Variants in MSH3 observed in about 807,000 individuals in gnomAD.
MSH3 encodes the protein mutS homolog 3, also known as DNA mismatch repair protein Msh3.
In MSH3, 106 loss-of-function variants were observed where a neutral mutation model predicts 123.3. The observed-to-expected ratio is 0.86, with a 90% CI of 0.73 to 1.01. The LOEUF (loss-of-function observed/expected upper bound fraction) is 1.01, where lower values mean the gene tolerates loss of function less well. Among genes scored for constraint, MSH3 ranks in the 50% least tolerant of loss-of-function variants. MSH3 has a pLI of 0.00. For synonymous variants in MSH3, 515 were observed against 481.4 expected, an observed-to-expected ratio of 1.07 and a Z score of -0.91; for missense variants, 1,459 against 1,347.6, an observed-to-expected ratio of 1.08 and a Z score of -1.29.
chr5:80,813,661 GA>G lies in MSH3; in HGVS notation c.2734del (p.Ile912LeufsTer45). 1 of 1,614,138 alleles carries G rather than the reference GA, an allele frequency of 6.2e-7. No individual in the cohort carries two copies. The highest frequency in any genetic ancestry group is 8.5e-7 in the Non-Finnish European group (1 of 1,180,000). On this transcript the variant is annotated frameshift_variant, in exon 20 of 24. Transcript: ENST00000265081. LOFTEE classifies it high-confidence loss of function. ...GCTCCTACATAAAACAAGTTGCATT[GA>G]TTACCATCATGGCTCAGATTGGCTC... is the stretch of plus-strand genomic sequence containing the variant. Reference protein sequence around the residue: ...KSSYIKQVALITIMAQIGSYV... With the variant: ...KSSYIKQVALXTIMAQIGSYV...
intron 22 of MSH3, among the ~76,000 whole-genome samples, chr5:80,871,750 C>T (rs934722045): frequency 6.6e-6 from 1 of 152,102 alleles, no homozygotes; most frequent in African/African-American, 2.4e-5. Flanking sequence ...TCTGAAGTGA[C>T]ATCTCATCAC....
chr5:80,827,904 T>C (rs1030812467), intron 20 of MSH3, among the ~76,000 whole-genome samples: 2 of 152,142 alleles, frequency 1.3e-5, no homozygotes, highest in Non-Finnish European at 2.9e-5. Flanking sequence ...AAAAAGACTT[T>C]AATTTTTCAG....
At chr5:80,835,862 C>T (rs1025887921) in intron 20 of MSH3, among the ~76,000 whole-genome samples, 4 of 151,934 alleles carry the variant, frequency 2.6e-5, no homozygotes, top group African/African-American at 9.7e-5. Context: ...TTACAGTGAG[C>T]TGAGATTGCA....
rs1248482710 is a variant in MSH3 at position 80,840,123 on chromosome 5, T to A, written c.2814-14007T>A. ...ACTGTTTTTACCTTGAAAAGGTCTC[T>A]GACATTTATTATTACTGGTGTATTA... On this transcript the variant is annotated intron_variant, in intron 20 of 23. Transcript: ENST00000265081. 3.3e-5 allele frequency among the ~76,000 whole-genome samples: 5 copies of A among 152,254 alleles called. No homozygotes were observed. The South Asian group carries it at 6.2e-4, about 19-fold the overall frequency.
At chr5:80,754,978 T>A (rs1308907708) in intron 12 of MSH3, among the ~76,000 whole-genome samples, 1 of 152,204 alleles carries the variant, frequency 6.6e-6, no homozygotes, top group Non-Finnish European at 1.5e-5. Flanking sequence ...GGAAGCCCTC[T>A]GTATTCTTTG....
At chr5:80,842,471 A>G (rs1473432472) in intron 20 of MSH3, among the ~76,000 whole-genome samples, 1 of 152,072 alleles carries the variant, frequency 6.6e-6, no homozygotes, top group East Asian at 1.9e-4. Context: ...TGTGGGAGAT[A>G]GCACTGAATC....
chr5:80,713,193 G>A (rs1416047402), intron 8 of MSH3, among the ~76,000 whole-genome samples: 1 of 152,128 alleles, frequency 6.6e-6, no homozygotes, highest in East Asian at 1.9e-4. Context: ...GTCTCTGTTG[G>A]TGGTCTGTTA....
At chr5:80,854,042 C>T in intron 20 of MSH3, 88 bp from the exon 21 acceptor site, 1 of 1,074,690 alleles carries the variant, frequency 9.3e-7, no homozygotes, top group South Asian at 1.4e-5. Context: ...TCTTAGTGAT[C>T]TTTTATATTT....
intron 19 of MSH3, among the ~76,000 whole-genome samples, chr5:80,807,012 G>T (rs1744902538): frequency 6.6e-6 from 1 of 151,756 alleles, no homozygotes; most frequent in African/African-American, 2.4e-5. Flanking sequence ...AGACCAGCCT[G>T]GGATGGGGAG....
intron 12 of MSH3, among the ~76,000 whole-genome samples, chr5:80,754,707 AATAG>A (rs1447475223): frequency 6.6e-6 from 1 of 152,198 alleles, no homozygotes; most frequent in African/African-American, 2.4e-5. Flanking sequence ...TGTGTTAGGA[AATAG>A]ATCTTTGACT....
chr5:80,751,000 G>A (rs1233967008), intron 12 of MSH3, among the ~76,000 whole-genome samples: 1 of 152,064 alleles, frequency 6.6e-6, no homozygotes, highest in Non-Finnish European at 1.5e-5. Context: ...AGCATATAGG[G>A]TTTAATCATG....
chr5:80,839,187 C>T (rs1006458673), intron 20 of MSH3, among the ~76,000 whole-genome samples: 8 of 152,010 alleles, frequency 5.3e-5, no homozygotes, highest in Non-Finnish European at 1.2e-4. Context: ...GCCAACATAC[C>T]GAAACCCCAT....
chr5:80,699,284 C>T (rs895806340), intron 8 of MSH3, among the ~76,000 whole-genome samples: 8 of 151,978 alleles, frequency 5.3e-5, no homozygotes, highest in African/African-American at 1.2e-4. Flanking sequence ...TAAGGCTGGG[C>T]GTGGTGGCTC....
chr5:80,696,325 A>G (rs1442397042), intron 8 of MSH3, among the ~76,000 whole-genome samples: 1 of 152,096 alleles, frequency 6.6e-6, no homozygotes, highest in East Asian at 1.9e-4. Context: ...GCCTTCTTTC[A>G]CCAGTGAGAA....
At chr5:80,676,817 A>G (rs16878098) in intron 7 of MSH3, among the ~76,000 whole-genome samples, 2,342 of 152,276 alleles carry the variant, frequency 0.015, 46 homozygotes, top group African/African-American at 0.045. Flanking sequence ...ATTTACCTAA[A>G]ACTCCTTCTA....
chr5:80,808,782 A>G (rs1461647623), intron 19 of MSH3, among the ~76,000 whole-genome samples: 1 of 149,708 alleles, frequency 6.7e-6, no homozygotes, highest in Admixed American at 6.7e-5. Context: ...AGTTCAATAT[A>G]AAAAATGTTA....
At chr5:80,745,940 G>C (rs1322834055) in intron 12 of MSH3, among the ~76,000 whole-genome samples, 2 of 151,842 alleles carry the variant, frequency 1.3e-5, no homozygotes, top group Non-Finnish European at 2.9e-5. Context: ...TGAAGACACT[G>C]TTATGGGTTT....
chr5:80,654,726 C>A lies in MSH3; in HGVS notation c.-2C>A, dbSNP rs770201470. The A allele has an allele frequency of 2.5e-6, 4 of 1,597,360 alleles. No homozygotes were observed. The highest frequency in any genetic ancestry group is 3.4e-6 in the Non-Finnish European group (4 of 1,174,158). ...CCGCCGGGCTGCCATCCTTGCCCTG[C>A]CATGTCTCGCCGGAAGCCTGCGTCG... On this transcript the variant is annotated 5_prime_UTR_variant, in exon 1 of 24. Coordinates refer to ENST00000265081, the MANE Select transcript of MSH3 (RefSeq NM_002439.5).
intron 23 of MSH3, among the ~76,000 whole-genome samples, chr5:80,874,795 T>C (rs961465615): frequency 6.6e-6 from 1 of 152,226 alleles, no homozygotes; most frequent in Non-Finnish European, 1.5e-5. Context: ...ACTCTCAGAT[T>C]ACTCATAAAT....
Sources: allele counts gnomAD v4.1 joint callset (sites outside exome capture counted in the v4.1 genomes callset), GRCh38; gene constraint gnomAD v4.1.1; transcripts MANE v1.5; gene names NCBI Gene and HGNC (gene_info 2026-07-23, HGNC 2026-07-21).